The following TAS2R1 variants were observed in gnomAD, a reference collection of about 807,000 sequenced individuals.
TAS2R1 encodes the protein taste receptor type 2 member 1.
For synonymous variants in TAS2R1, 141 were observed against 134.2 expected, an observed-to-expected ratio of 1.05 and a Z score of -0.35; for missense variants, 370 against 353.4, an observed-to-expected ratio of 1.05 and a Z score of -0.38.
the TAS2R1 span, among the ~76,000 whole-genome samples, chr5:9,730,040 T>C: frequency 6.6e-6 from 1 of 152,052 alleles, no homozygotes; most frequent in South Asian, 2.1e-4. Flanking sequence ...AATATATGAA[T>C]GCCAGCTCAT....
At chr5:9,900,128 A>G in the TAS2R1 span, among the ~76,000 whole-genome samples, 1 of 152,316 alleles carries the variant, frequency 6.6e-6, no homozygotes, top group South Asian at 2.1e-4. Flanking sequence ...CTGGGTACAG[A>G]TATGTTCTCT....
chr5:9,664,907 A>G (rs541869811), intron 1 of TAS2R1, among the ~76,000 whole-genome samples: 1 of 152,374 alleles, frequency 6.6e-6, no homozygotes, highest in Admixed American at 6.5e-5. Flanking sequence ...AAATGAGGAA[A>G]CAAACTTGGC....
chr5:9,692,810 T>C (rs1741274885), intron 1 of TAS2R1, among the ~76,000 whole-genome samples: 1 of 152,224 alleles, frequency 6.6e-6, no homozygotes, highest in Admixed American at 6.5e-5. Context: ...TGATCTCCTC[T>C]TTGTAGATAA....
rs574418273 is a variant in TAS2R1 at position 9,655,918 on chromosome 5, T to C, written c.-81+3503A>G. ...TCAGAACCACTGATTCTCAACTCAATGCCTGGGAAACTTTTATTAATGTTC... is the reference window on the plus strand; with the variant it reads ...TCAGAACCACTGATTCTCAACTCAACGCCTGGGAAACTTTTATTAATGTTC... On this transcript the variant is annotated intron_variant, in intron 2 of 2. Coordinates refer to the TAS2R1 transcript ENST00000506620. Among the ~76,000 whole-genome samples the C allele has an allele frequency of 4.6e-5, 7 of 151,874 alleles. No individual in the cohort carries two copies. In the East Asian group the frequency reaches 1.2e-3, roughly 25 times the overall value.
At chr5:9,860,096 G>A in the TAS2R1 span, among the ~76,000 whole-genome samples, 2 of 152,272 alleles carry the variant, frequency 1.3e-5, no homozygotes, top group Non-Finnish European at 1.5e-5. Context: ...GCAATAAGGG[G>A]AAGAAGGAGG....
chr5:9,887,783 A>G, the TAS2R1 span, among the ~76,000 whole-genome samples: 1 of 151,978 alleles, frequency 6.6e-6, no homozygotes, highest in Admixed American at 6.5e-5. Context: ...TATAATAAGC[A>G]TAACTAGAAA....
rs1739822218 is a variant in TAS2R1, at chr5:9,629,359, C to T, written c.674G>A (p.Ser225Asn). 1.2e-6 allele frequency: 2 copies of T among 1,613,892 alleles called. No individual in the cohort carries two copies. Among genetic ancestry groups the T allele is most frequent in the African/African-American group, 2.7e-5 (2 of 74,904 alleles). Residue 225 changes from serine to asparagine, a missense_variant, in exon 1 of 1, where the codon AGC becomes AAC. Physicochemically the swap from Ser to Asn is conservative, Grantham distance 46 (BLOSUM62 1). Coordinates refer to ENST00000382492, the MANE Select transcript of TAS2R1 (RefSeq NM_019599.3). ...SRVPGRGAPISALLSILSFLI... is the reference protein window; with the variant it reads ...SRVPGRGAPINALLSILSFLI... ...GAAGGACAGGATAGACAGCAACGCG[C>T]TGATGGGTGCACCCCTGCCAGGAAC...
chr5:9,796,772 C>A, the TAS2R1 span, among the ~76,000 whole-genome samples: 5 of 150,610 alleles, frequency 3.3e-5, no homozygotes, highest in African/African-American at 9.8e-5. Flanking sequence ...GTGTTCTCTG[C>A]CAGTGGCACC....
At chr5:9,840,970 T>C in the TAS2R1 span, among the ~76,000 whole-genome samples, 1 of 150,908 alleles carries the variant, frequency 6.6e-6, no homozygotes, top group Admixed American at 6.6e-5. Context: ...TGCCTCCCGG[T>C]TTCACGCCAT....
chr5:9,846,332 G>GGCGACGACA, the TAS2R1 span, among the ~76,000 whole-genome samples: 18 of 152,118 alleles, frequency 1.2e-4, no homozygotes, highest in African/African-American at 4.1e-4. Flanking sequence ...GTTTTTGGAG[G>GGCGACGACA]GCGACGACAA....
At chr5:9,773,769 A>T in the TAS2R1 span, among the ~76,000 whole-genome samples, 2 of 152,146 alleles carry the variant, frequency 1.3e-5, no homozygotes, top group South Asian at 2.1e-4. Flanking sequence ...TATGATTTCC[A>T]CTAGAAAGTC....
At chr5:9,790,967 T>C in the TAS2R1 span, among the ~76,000 whole-genome samples, 2 of 152,196 alleles carry the variant, frequency 1.3e-5, no homozygotes, top group East Asian at 3.8e-4. Flanking sequence ...TTATCAGCTC[T>C]TAAATGCTCT....
chr5:9,645,267 T>C lies in TAS2R1; in HGVS notation c.-81+14154A>G, dbSNP rs75573195. The stretch of plus-strand genomic sequence containing the variant: ...ATCAGTATTCTTTCCACTTTAGAGA[T>C]TATTAAGTTGAGGTGCACTGAGGTC... On this transcript the variant is annotated intron_variant, in intron 2 of 2. Coordinates refer to the TAS2R1 transcript ENST00000506620. 4.6e-3 allele frequency among the ~76,000 whole-genome samples: 700 copies of C among 152,262 alleles called. 7 individuals are homozygous for C. Among genetic ancestry groups the C allele is most frequent in the African/African-American group, 0.016 (660 of 41,550 alleles).
intron 2 of TAS2R1, among the ~76,000 whole-genome samples, chr5:9,654,156 C>A (rs1027861180): frequency 6.6e-6 from 1 of 152,262 alleles, no homozygotes. Context: ...ATAGGAATTT[C>A]CATGATGCCT....
intron 1 of TAS2R1, among the ~76,000 whole-genome samples, chr5:9,700,596 C>T (rs550631987): frequency 3.9e-5 from 6 of 152,152 alleles, no homozygotes; most frequent in East Asian, 1.9e-4. Context: ...GGATATAATG[C>T]GCTTGCTTGC....
chr5:9,863,929 A>C, the TAS2R1 span, among the ~76,000 whole-genome samples: 2 of 152,334 alleles, frequency 1.3e-5, no homozygotes, highest in Non-Finnish European at 2.9e-5. Context: ...CTAATGGCTA[A>C]GCAATTCTCC....
At chr5:9,902,700 G>A in the TAS2R1 span, 1 of 151,990 alleles carries the variant, frequency 6.6e-6, no homozygotes, top group African/African-American at 2.4e-5. Flanking sequence ...TCACGCTGGG[G>A]TAGGAAAATC....
chr5:9,825,322 G>C, the TAS2R1 span, among the ~76,000 whole-genome samples: 1 of 152,160 alleles, frequency 6.6e-6, no homozygotes, highest in East Asian at 1.9e-4. Flanking sequence ...CTTACATGGT[G>C]GCAGGGAAGA....
At chr5:9,657,434 T>C (rs1740437104) in intron 2 of TAS2R1, among the ~76,000 whole-genome samples, 1 of 152,216 alleles carries the variant, frequency 6.6e-6, no homozygotes, top group Non-Finnish European at 1.5e-5. Context: ...CTGATTGCTT[T>C]GCTCACCAGC....
Sources: gnomAD v4.1 joint callset for allele counts (sites outside exome capture counted in the v4.1 genomes callset) on GRCh38, gnomAD v4.1.1 for gene constraint, MANE v1.5 for transcripts, NCBI Gene and HGNC (gene_info 2026-07-23, HGNC 2026-07-21) for gene names.